The following ZNF813 variants were observed in gnomAD, a reference collection of about 807,000 sequenced individuals.
The protein encoded by ZNF813 is zinc finger protein 813.
ZNF813 carries 3 observed loss-of-function variants against 7.2 expected under a neutral mutation model. The observed-to-expected ratio is 0.42, with a 90% CI of 0.19 to 1.08. The LOEUF (loss-of-function observed/expected upper bound fraction) is 1.08. ZNF813 is among the 50% of genes least tolerant of loss of function. The pLI, the probability that ZNF813 is intolerant of heterozygous loss-of-function variation, is 0.30. For synonymous variants in ZNF813, 227 were observed against 256.3 expected (o/e 0.89, Z 1.09); for missense variants, 714 against 753.3 (o/e 0.95, Z 0.61).
intron 1 of ZNF813, among the ~76,000 whole-genome samples, chr19:53,474,575 G>C (rs1207681194): frequency 6.6e-6 from 1 of 152,070 alleles, no homozygotes; most frequent in Non-Finnish European, 1.5e-5. Flanking sequence ...TGTAATACCA[G>C]CTACTGGGGA....
At chr19:53,468,696 CAA>C (rs1308715780) in intron 1 of ZNF813, among the ~76,000 whole-genome samples, 1 of 152,182 alleles carries the variant, frequency 6.6e-6, no homozygotes, top group Non-Finnish European at 1.5e-5. Flanking sequence ...CTCAGTGTAG[CAA>C]AGAGTCACAG....
rs770595981 is a variant in ZNF813, at chr19:53,492,375, C to T, written c.*289C>T. 9.3e-6 allele frequency: 5 copies of T among 534,934 alleles called. No homozygotes were observed. The highest frequency in any genetic ancestry group is 1.4e-5 in the Non-Finnish European group (4 of 296,076). The allele number at this position is 534,934 out of a possible 1,614,324, so 33.1% of individuals were successfully genotyped here. On this transcript the variant is annotated 3_prime_UTR_variant, in exon 4 of 4. Coordinates refer to ENST00000396403, the MANE Select transcript of ZNF813 (RefSeq NM_001004301.4). ...GAATTCATACTGGAGAGAAAGCTTA[C>T]AAAGGTGAAGAATATCACAGAGTTT...
rs115056122 is a variant in ZNF813, at chr19:53,491,380, A to G, written c.1148A>G (p.Tyr383Cys). Residue 383 changes from tyrosine (Y) to cysteine (C), a missense_variant, in exon 4 of 4, where the codon TAT becomes TGT. Physicochemically the swap from Tyr to Cys is radical, Grantham distance 194. Coordinates refer to ENST00000396403, the MANE Select transcript of ZNF813 (RefSeq NM_001004301.4). Reference sequence around the variant, plus strand: ...AGACTTCATACGGGAGAGAAACCTTATAAGTGTAATGAATGTGGCAAGACC... The same window carrying G: ...AGACTTCATACGGGAGAGAAACCTTGTAAGTGTAATGAATGTGGCAAGACC... ...HHRLHTGEKP[Y>C]KCNECGKTFS... is the part of the protein sequence containing the mutation. 1.0e-3 allele frequency: 1,611 copies of G among 1,613,326 alleles called. 16 individuals carry two copies. In the African/African-American group the frequency reaches 0.018, roughly 18 times the overall value.
rs28785790 is a variant in ZNF813 at position 53,473,691 on chromosome 19, T to C, written c.-74+5902T>C. ...CGGTGTACTGGATCTGTCAGACTTA[T>C]CGGCATTCTTTCTCATATTCAGTTA... On this transcript the variant is annotated intron_variant, in intron 1 of 3. Transcript: ENST00000396403. Among the ~76,000 whole-genome samples, 1,100 of 152,364 alleles carry C rather than the reference T, an allele frequency of 7.2e-3. 19 individuals carry two copies. Among genetic ancestry groups the C allele is most frequent in the African/African-American group, 0.025 (1,043 of 41,576 alleles).
chr19:53,471,650 A>C (rs371657944), intron 1 of ZNF813, among the ~76,000 whole-genome samples: 71 of 152,040 alleles, frequency 4.7e-4, no homozygotes, highest in African/African-American at 1.6e-3. Context: ...TGTACTAAAA[A>C]TACAAAAAGC....
rs556875326 is a variant in ZNF813 at position 53,490,407 on chromosome 19, T to A, written c.175T>A (p.Ser59Thr). 2 of 1,614,122 alleles carry A rather than the reference T, an allele frequency of 1.2e-6. No homozygotes were observed. Among genetic ancestry groups the A allele is most frequent in the African/African-American group, 2.7e-5 (2 of 75,044 alleles). ...ISSKCMMKEF[S>T]STAQGNREVI... ...TTCCAAATGCATGATGAAGGAGTTC[T>A]CATCAACAGCACAAGGCAATAGAGA... Residue 59 changes from serine (S) to threonine (T), a missense_variant, in exon 4 of 4, where the codon TCA (serine) becomes ACA (threonine). Coordinates refer to ENST00000396403, the MANE Select transcript of ZNF813 (RefSeq NM_001004301.4).
At chr19:53,479,526 AGAG>A in intron 1 of ZNF813, 1 of 1,308,302 alleles carries the variant, frequency 7.6e-7, no homozygotes, top group Non-Finnish European at 1.1e-6. Flanking sequence ...AGCTGGTTGA[AGAG>A]GAGCTGGACT....
chr19:53,479,602 G>A (rs2086397765), intron 1 of ZNF813: 1 of 1,201,370 alleles, frequency 8.3e-7, no homozygotes, highest in Admixed American at 1.8e-5. Context: ...AGCTGCTGAT[G>A]AGAGTGAGAG....
At chr19:53,467,829 A>C (rs993042108) in intron 1 of ZNF813, 40 bp downstream of exon 1, 16 of 154,564 alleles carry the variant, frequency 1.0e-4, no homozygotes, top group Admixed American at 1.9e-4. Flanking sequence ...TGCACTTCCC[A>C]GGTCCCTGGC....
chr19:53,491,116 G>T lies in ZNF813; in HGVS notation c.884G>T (p.Gly295Val), dbSNP rs748147539. ...SLTCHRRLHT[G>V]EKPYKCEECD... ...ACATGCCATCGTAGACTTCATACTG[G>T]AGAGAAACCTTACAAATGTGAAGAA... The change falls in exon 4 of 4, where the codon GGA (glycine) becomes GTA (valine). Residue 295 changes from glycine (G) to valine (V), a missense_variant. By Grantham distance (109) the Gly-to-Val change is moderately radical. This residue lies in a region of ZNF813 where 563 missense variants were observed against 554.2 expected (regional missense o/e 1.02). Coordinates refer to ENST00000396403, the MANE Select transcript of ZNF813 (RefSeq NM_001004301.4). 6 of 1,614,028 alleles carry T rather than the reference G, an allele frequency of 3.7e-6. No homozygotes were observed. The highest frequency in any genetic ancestry group is 1.3e-5 in the African/African-American group (1 of 74,926).
At chr19:53,475,811 G>GT (rs1240672969) in intron 1 of ZNF813, among the ~76,000 whole-genome samples, 2 of 152,186 alleles carry the variant, frequency 1.3e-5, no homozygotes, top group Non-Finnish European at 2.9e-5. Context: ...TATAGTCATT[G>GT]TTTTTTTGTT....
At chr19:53,474,606 T>C (rs147581673) in intron 1 of ZNF813, among the ~76,000 whole-genome samples, 3 of 152,128 alleles carry the variant, frequency 2.0e-5, no homozygotes, top group Non-Finnish European at 4.4e-5. Flanking sequence ...GAAGAAACAC[T>C]TGAACCCGGG....
At position 53,490,827 on chromosome 19, in the gene ZNF813, T is replaced by C. The variant is rs929405134; in HGVS notation, c.595T>C (p.Ser199Pro). 16 of 1,614,112 alleles carry C rather than the reference T, an allele frequency of 9.9e-6. No homozygotes were observed. The highest frequency in any genetic ancestry group is 6.7e-5 in the East Asian group (3 of 44,886). ...SNNYGNNFRN[S>P]SLLTQKQEVH... ...TAACTATGGGAATAATTTCCGGAAT[T>C]CTTCGTTACTCACACAAAAACAGGA... The change falls in exon 4 of 4, where the codon TCT becomes CCT. Residue 199 changes from serine to proline, a missense_variant. Ser to Pro is a moderately conservative substitution (Grantham distance 74). Around this residue, in one of 3 missense-constraint regions of ZNF813, gnomAD observed 563 missense variants for 554.2 expected, o/e 1.02. Transcript: ENST00000396403.
intron 1 of ZNF813, chr19:53,479,696 A>T (rs1266429220): frequency 1.7e-6 from 2 of 1,164,924 alleles, no homozygotes; most frequent in Non-Finnish European, 1.3e-6. Flanking sequence ...AGCTAAGCAC[A>T]TTGCAGATGA....
chr19:53,486,843 C>T lies in ZNF813; in HGVS notation c.142+85C>T, dbSNP rs147878446. The T allele has an allele frequency of 3.7e-3, 5,976 of 1,603,716 alleles. 10 individuals carry two copies. Among genetic ancestry groups the T allele is most frequent in the African/African-American group, 5.0e-3 (370 of 74,690 alleles). ...TTGTTTTTAGATACAGTGTCTTGCTCTGTCACCCAGGGTGGAGTGAAATGG... is the reference window on the plus strand; with the variant it reads ...TTGTTTTTAGATACAGTGTCTTGCTTTGTCACCCAGGGTGGAGTGAAATGG... On this transcript the variant is annotated intron_variant, in intron 3 of 3. Coordinates refer to ENST00000396403, the MANE Select transcript of ZNF813 (RefSeq NM_001004301.4).
intron 1 of ZNF813, among the ~76,000 whole-genome samples, chr19:53,482,715 T>TTTG (rs2086414687): frequency 5.2e-5 from 3 of 57,340 alleles, no homozygotes; most frequent in African/African-American, 1.5e-4. Flanking sequence ...GCTTTTTGTT[T>TTTG]TTTTTTTTTT....
intron 1 of ZNF813, chr19:53,479,406 G>A (rs1367851409): frequency 3.8e-6 from 6 of 1,569,128 alleles, no homozygotes; most frequent in Non-Finnish European, 2.6e-6. Flanking sequence ...TTCTGCAGCT[G>A]CAGGCAGATG....
rs957886406 is a variant in ZNF813, at chr19:53,493,661, A to T, written c.*1575A>T. ...GATATTGTACTGTGCAGATACACTG[A>T]ATCTGTTTATTACTTCCAGTAGTAT... On this transcript the variant is annotated 3_prime_UTR_variant, in exon 4 of 4. Coordinates refer to ENST00000396403, the MANE Select transcript of ZNF813 (RefSeq NM_001004301.4). 1 of 152,220 alleles carries T rather than the reference A, an allele frequency of 6.6e-6. No individual in the cohort carries two copies. Among genetic ancestry groups the T allele is most frequent in the African/African-American group, 2.4e-5 (1 of 41,448 alleles). 9.4% of individuals were successfully genotyped at this position (152,220 alleles called of 1,614,324 possible).
chr19:53,482,712 GTTTTTTTTTTTTTT>G (rs869250512), intron 1 of ZNF813, among the ~76,000 whole-genome samples: 4 of 89,088 alleles, frequency 4.5e-5, no homozygotes, highest in Admixed American at 1.4e-4. Context: ...AATGCTTTTT[GTTTTTTTTTTTTTT>G]TTTTTTTTTT....
Sources: allele counts gnomAD v4.1 joint callset (sites outside exome capture counted in the v4.1 genomes callset), GRCh38; gene constraint gnomAD v4.1.1; regional missense constraint gnomAD v4.1.1; transcripts MANE v1.5; gene names NCBI Gene and HGNC (gene_info 2026-07-23, HGNC 2026-07-21).